ADAMTS12: variants seen among roughly 807,000 people sequenced by gnomAD.
ADAMTS12 encodes the protein ADAM metallopeptidase with thrombospondin type 1 motif 12, also known as A disintegrin and metalloproteinase with thrombospondin motifs 12.
Under a neutral mutation model 167.8 loss-of-function variants are expected in ADAMTS12, and 118 were observed. The ratio of observed to expected loss-of-function variants is 0.70; its 90% CI spans 0.61 to 0.82. ADAMTS12 has a LOEUF of 0.82. Among genes scored for constraint, ADAMTS12 ranks in the 40% least tolerant of loss-of-function variants. ADAMTS12 has a pLI of 0.00. For synonymous variants in ADAMTS12, 704 were observed against 716.9 expected, an observed-to-expected ratio of 0.98 and a Z score of 0.29; for missense variants, 1,916 against 1,998.8, an observed-to-expected ratio of 0.96 and a Z score of 0.79.
chr5:33,741,560 T>C (rs1744587102), intron 3 of ADAMTS12, among the ~76,000 whole-genome samples: 1 of 152,154 alleles, frequency 6.6e-6, no homozygotes, highest in Non-Finnish European at 1.5e-5. Context: ...ATTTAGCTCA[T>C]AATGGACACC....
At chr5:33,689,290 G>C (rs748610977) in intron 3 of ADAMTS12, among the ~76,000 whole-genome samples, 2 of 152,132 alleles carry the variant, frequency 1.3e-5, no homozygotes, top group South Asian at 2.1e-4. Context: ...TAAGCAGCAG[G>C]ACCAGCATTT....
rs753505331 is a variant in ADAMTS12, at chr5:33,596,067, G to T, written c.2528-7C>A. 1.2e-6 allele frequency: 2 copies of T among 1,613,772 alleles called. No homozygotes were observed. The highest frequency in any genetic ancestry group is 1.3e-5 in the African/African-American group (1 of 75,038). ...GCAGTTTGGCGGCGGATACCTGGGGGTCAGACAGAAAGATTCACACATATT... is the reference window on the plus strand; with the variant it reads ...GCAGTTTGGCGGCGGATACCTGGGGTTCAGACAGAAAGATTCACACATATT... On this transcript the variant is annotated splice_polypyrimidine_tract_variant and splice_region_variant and intron_variant, in intron 16 of 23. Coordinates refer to ENST00000504830, the MANE Select transcript of ADAMTS12 (RefSeq NM_030955.4).
chr5:33,791,697 C>G (rs1746575468), intron 2 of ADAMTS12, among the ~76,000 whole-genome samples: 1 of 151,870 alleles, frequency 6.6e-6, no homozygotes, highest in Non-Finnish European at 1.5e-5. Flanking sequence ...TTAAGTCTGT[C>G]TGTGGTTCCT....
At position 33,545,976 on chromosome 5, in the gene ADAMTS12, G is replaced by A. The variant is rs747496043; in HGVS notation, c.4446+83C>T. ...GTATACCTATGTAACAAACCTGCAC[G>A]TTGTGCACAGGTACCCTAGAACTTA... is the stretch of plus-strand genomic sequence containing the variant. On this transcript the variant is annotated intron_variant, in intron 22 of 23. Coordinates refer to ENST00000504830, the MANE Select transcript of ADAMTS12 (RefSeq NM_030955.4). 56 of 1,496,602 alleles carry A rather than the reference G, an allele frequency of 3.7e-5. No individual in the cohort carries two copies. The Admixed American group carries it at 4.3e-4, about 12-fold the overall frequency. 92.7% of individuals were successfully genotyped at this position (1,496,602 alleles called of 1,614,324 possible).
At chr5:33,726,845 GCCC>G (rs1743999346) in intron 3 of ADAMTS12, among the ~76,000 whole-genome samples, 1 of 151,638 alleles carries the variant, frequency 6.6e-6, no homozygotes, top group African/African-American at 2.4e-5. Flanking sequence ...TGTGTGTGGT[GCCC>G]CGCAGTTTAT....
chr5:33,836,219 AT>A (rs1748521373), intron 2 of ADAMTS12, among the ~76,000 whole-genome samples: 1 of 152,082 alleles, frequency 6.6e-6, no homozygotes, highest in South Asian at 2.1e-4. Flanking sequence ...GGGATGCAGG[AT>A]GTTCACCAGC....
chr5:33,578,669 C>T (rs1746886507), intron 18 of ADAMTS12, among the ~76,000 whole-genome samples: 1 of 152,160 alleles, frequency 6.6e-6, no homozygotes. Flanking sequence ...TTCTCAAGTT[C>T]TATTTTCAGT....
chr5:33,584,711 A>G (rs1747246932), intron 18 of ADAMTS12, among the ~76,000 whole-genome samples: 1 of 152,244 alleles, frequency 6.6e-6, no homozygotes, highest in Non-Finnish European at 1.5e-5. Flanking sequence ...ACAGGCTAAG[A>G]GAGAATTAGC....
At position 33,881,183 on chromosome 5, in the gene ADAMTS12, C is replaced by T. The variant is rs748426392; in HGVS notation, c.425G>A (p.Ser142Asn). 1.4e-5 allele frequency: 23 copies of T among 1,614,028 alleles called. No homozygotes were observed. The highest frequency in any genetic ancestry group is 1.9e-5 in the Non-Finnish European group (23 of 1,180,028). ...MASSAPLCHL[S>N]GTVLQQGTRV... is the part of the protein sequence containing the mutation. ...GGTGCCCTGCTGTAGAACCGTGCCA[C>T]TGAGATGGCAGAGGGGGGCAGAGGA... The change falls in exon 2 of 24, where the codon AGT becomes AAT. Residue 142 changes from serine (S) to asparagine (N), a missense_variant. Coordinates refer to ENST00000504830, the MANE Select transcript of ADAMTS12 (RefSeq NM_030955.4).
intron 19 of ADAMTS12, among the ~76,000 whole-genome samples, chr5:33,562,514 A>T (rs1014836590): frequency 3.9e-5 from 6 of 152,036 alleles, no homozygotes; most frequent in African/African-American, 1.4e-4. Flanking sequence ...CAAAGTGCTG[A>T]ACTAAAAAAA....
At chr5:33,705,943 G>T (rs958026689) in intron 3 of ADAMTS12, among the ~76,000 whole-genome samples, 1 of 151,908 alleles carries the variant, frequency 6.6e-6, no homozygotes, top group African/African-American at 2.4e-5. Flanking sequence ...ACCTCTACAA[G>T]AAACTACAAA....
At chr5:33,805,384 C>T (rs1561281653) in intron 2 of ADAMTS12, among the ~76,000 whole-genome samples, 2 of 152,114 alleles carry the variant, frequency 1.3e-5, no homozygotes, top group African/African-American at 4.8e-5. Context: ...ACATAAACTG[C>T]CATGGTAGTT....
intron 14 of ADAMTS12, among the ~76,000 whole-genome samples, chr5:33,620,408 A>C (rs1739258286): frequency 6.6e-6 from 1 of 152,258 alleles, no homozygotes; most frequent in Non-Finnish European, 1.5e-5. Context: ...ACTGTGATAC[A>C]CAATTTACTG....
At chr5:33,792,722 A>G (rs1561274934) in intron 2 of ADAMTS12, among the ~76,000 whole-genome samples, 2 of 152,230 alleles carry the variant, frequency 1.3e-5, no homozygotes, top group Non-Finnish European at 2.9e-5. Context: ...ACAAGAAGAT[A>G]GTATCCTTGA....
chr5:33,819,169 A>G lies in ADAMTS12; in HGVS notation c.489+61950T>C, dbSNP rs574680706. ...CCAAAAAAAGTCATTGCCAAGGCCA[A>G]TGTTCAAGGAGCATTTTCCTTATGT... On this transcript the variant is annotated intron_variant, in intron 2 of 23. Coordinates refer to ENST00000504830, the MANE Select transcript of ADAMTS12 (RefSeq NM_030955.4). Among the ~76,000 whole-genome samples the G allele has an allele frequency of 7.9e-5, 12 of 152,210 alleles. No homozygotes were observed. In the East Asian group the frequency reaches 1.2e-3, roughly 15 times the overall value.
intron 13 of ADAMTS12, among the ~76,000 whole-genome samples, chr5:33,625,397 C>T (rs1299307524): frequency 6.6e-6 from 1 of 152,044 alleles, no homozygotes; most frequent in African/African-American, 2.4e-5. Context: ...GAGTAAAATG[C>T]CAGCCCTTCA....
intron 2 of ADAMTS12, among the ~76,000 whole-genome samples, chr5:33,807,144 T>G (rs1747266927): frequency 6.6e-6 from 1 of 152,232 alleles, no homozygotes; most frequent in African/African-American, 2.4e-5. Flanking sequence ...TATTAGACTT[T>G]TATCTCCTCC....
chr5:33,559,078 G>C (rs1745615951), intron 20 of ADAMTS12, among the ~76,000 whole-genome samples: 1 of 152,144 alleles, frequency 6.6e-6, no homozygotes. Context: ...TCTGCCAGGA[G>C]AACCAGAGAC....
intron 12 of ADAMTS12, among the ~76,000 whole-genome samples, chr5:33,632,477 T>A (rs542557256): frequency 6.6e-6 from 1 of 152,202 alleles, no homozygotes; most frequent in African/African-American, 2.4e-5. Flanking sequence ...TGATTTCATA[T>A]AAGGTGCAGT....
Sources: gnomAD v4.1 joint callset for allele counts (sites outside exome capture counted in the v4.1 genomes callset) on GRCh38, gnomAD v4.1.1 for gene constraint, MANE v1.5 for transcripts, NCBI Gene and HGNC (gene_info 2026-07-23, HGNC 2026-07-21) for gene names.